NXPE2: variants seen among roughly 807,000 people sequenced by gnomAD.
NXPE2 encodes the protein NXPE family member 2.
Under a neutral mutation model 34.4 loss-of-function variants are expected in NXPE2, and 34 were observed. The ratio of observed to expected loss-of-function variants is 0.99; its 90% CI spans 0.75 to 1.31. The LOEUF is 1.31. Ranked by LOEUF, NXPE2 falls within the 40% of genes most tolerant of loss-of-function variation. The pLI is 0.00. For missense variants in NXPE2, 649 were observed against 672.5 expected, an observed-to-expected ratio of 0.97 and a Z score of 0.39; for synonymous variants, 235 against 231.3, an observed-to-expected ratio of 1.02 and a Z score of -0.15.
At chr11:114,584,413 A>G in the NXPE2 span, 1 of 268,422 alleles carries the variant, frequency 3.7e-6, no homozygotes, top group Non-Finnish European at 7.6e-6. Flanking sequence ...GATTCTGAGG[A>G]TGCTGTCCCT....
the NXPE2 span, among the ~76,000 whole-genome samples, chr11:114,809,033 T>G: frequency 1.3e-5 from 2 of 152,136 alleles, no homozygotes; most frequent in Non-Finnish European, 2.9e-5. Flanking sequence ...GCAAGGCTGG[T>G]TCAACATACA....
At chr11:114,591,844 A>C in the NXPE2 span, among the ~76,000 whole-genome samples, 1 of 152,152 alleles carries the variant, frequency 6.6e-6, no homozygotes, top group Non-Finnish European at 1.5e-5. Context: ...TGATGCAAGG[A>C]TTATCTGAGA....
the NXPE2 span, among the ~76,000 whole-genome samples, chr11:114,811,370 A>G: frequency 6.6e-6 from 1 of 152,194 alleles, no homozygotes; most frequent in Non-Finnish European, 1.5e-5. Context: ...AAAAAGAGAA[A>G]GAAATGGCTT....
chr11:114,670,021 G>T, the NXPE2 span, among the ~76,000 whole-genome samples: 1 of 152,022 alleles, frequency 6.6e-6, no homozygotes, highest in African/African-American at 2.4e-5. Flanking sequence ...ATTTACCAGA[G>T]GAAACTGCAC....
At chr11:114,555,138 GTA>G in the NXPE2 span, among the ~76,000 whole-genome samples, 1 of 151,628 alleles carries the variant, frequency 6.6e-6, no homozygotes, top group South Asian at 2.1e-4. Context: ...TTGCTGTCTG[GTA>G]TAGATATTTC....
At chr11:114,786,664 A>C in the NXPE2 span, among the ~76,000 whole-genome samples, 1 of 152,192 alleles carries the variant, frequency 6.6e-6, no homozygotes, top group Admixed American at 6.5e-5. Context: ...TTTTAGGGAG[A>C]AAGTGGTAGA....
At chr11:114,588,052 C>A in the NXPE2 span, among the ~76,000 whole-genome samples, 249 of 152,298 alleles carry the variant, frequency 1.6e-3, 1 homozygote, top group African/African-American at 5.7e-3. Flanking sequence ...GCAAGCATTG[C>A]ACAATCAGCT....
chr11:114,767,038 A>C, the NXPE2 span, among the ~76,000 whole-genome samples: 1 of 152,154 alleles, frequency 6.6e-6, no homozygotes, highest in African/African-American at 2.4e-5. Context: ...TGGTCCCAGA[A>C]AGAGCAGCTG....
chr11:114,687,931 G>A (rs574437087), intron 2 of NXPE2, among the ~76,000 whole-genome samples: 13 of 152,052 alleles, frequency 8.5e-5, no homozygotes, highest in South Asian at 2.1e-4. Flanking sequence ...ATTTTTGTAC[G>A]TAAGTTTTGT....
the NXPE2 span, among the ~76,000 whole-genome samples, chr11:114,638,294 A>G: frequency 6.6e-6 from 1 of 151,630 alleles, no homozygotes; most frequent in African/African-American, 2.4e-5. Context: ...GTAGTTCTCG[A>G]GCCTTGGTTT....
the NXPE2 span, among the ~76,000 whole-genome samples, chr11:114,649,232 C>T: frequency 2.0e-5 from 3 of 151,940 alleles, no homozygotes; most frequent in East Asian, 5.8e-4. Flanking sequence ...TTCCATGGAC[C>T]TTAATCTTAG....
At chr11:114,470,241 T>C in the NXPE2 span, among the ~76,000 whole-genome samples, 2 of 152,158 alleles carry the variant, frequency 1.3e-5, no homozygotes, top group Non-Finnish European at 2.9e-5. Flanking sequence ...ATATGGTGAG[T>C]ATGAGTTTAA....
At chr11:114,700,428 G>A (rs139295379) in intron 3 of NXPE2, among the ~76,000 whole-genome samples, 1 of 152,228 alleles carries the variant, frequency 6.6e-6, no homozygotes, top group African/African-American at 2.4e-5. Flanking sequence ...TCGGGAAACA[G>A]CATTCTCAAG....
chr11:114,604,906 G>A, the NXPE2 span, among the ~76,000 whole-genome samples: 1 of 151,962 alleles, frequency 6.6e-6, no homozygotes, highest in Non-Finnish European at 1.5e-5. Flanking sequence ...TTACCCGGTG[G>A]ATAATTAGTG....
chr11:114,612,626 A>G, the NXPE2 span, among the ~76,000 whole-genome samples: 1 of 151,702 alleles, frequency 6.6e-6, no homozygotes, highest in African/African-American at 2.4e-5. Context: ...CCTGTGGATA[A>G]TAAGTATTGC....
At chr11:114,739,201 G>T in the NXPE2 span, among the ~76,000 whole-genome samples, 1 of 152,134 alleles carries the variant, frequency 6.6e-6, no homozygotes, top group Admixed American at 6.5e-5. Context: ...ACCAATGGTG[G>T]TTGCAACCTC....
At chr11:114,649,428 G>A in the NXPE2 span, among the ~76,000 whole-genome samples, 1 of 152,190 alleles carries the variant, frequency 6.6e-6, no homozygotes, top group Non-Finnish European at 1.5e-5. Context: ...ACTAGTACAT[G>A]TTAGCATATG....
the NXPE2 span, chr11:114,529,927 T>A: frequency 4.5e-6 from 2 of 445,134 alleles, no homozygotes; most frequent in Non-Finnish European, 3.9e-6. Flanking sequence ...AGGAATCTTT[T>A]TTTCAGTGGA....
chr11:114,631,893 A>T, the NXPE2 span, among the ~76,000 whole-genome samples: 2 of 151,506 alleles, frequency 1.3e-5, no homozygotes. Context: ...GTGGATAATA[A>T]GTATTGCCTC....
Sources: allele counts gnomAD v4.1 joint callset (sites outside exome capture counted in the v4.1 genomes callset), GRCh38; gene constraint gnomAD v4.1.1; transcripts MANE v1.5; gene names NCBI Gene and HGNC (gene_info 2026-07-23, HGNC 2026-07-21).